The following PON1 variants were observed in gnomAD, a reference collection of about 807,000 sequenced individuals.
PON1 encodes the protein serum paraoxonase/arylesterase 1.
In PON1, 37 loss-of-function variants were observed where a neutral mutation model predicts 39.2. The observed-to-expected ratio is 0.94, with a 90% confidence interval of 0.73 to 1.24. The LOEUF (loss-of-function observed/expected upper bound fraction) is 1.24, where lower values mean the gene tolerates loss of function less well. Ranked by LOEUF, PON1 falls within the 50% of genes most tolerant of loss-of-function variation. PON1 has a pLI of 0.00. For synonymous variants in PON1, 148 were observed against 152.2 expected (o/e 0.97, Z 0.21); for missense variants, 397 against 413.5 (o/e 0.96, Z 0.35).
At chr7:95,321,869 C>T (rs1807906634) in intron 1 of PON1, among the ~76,000 whole-genome samples, 1 of 152,178 alleles carries the variant, frequency 6.6e-6, no homozygotes, top group Non-Finnish European at 1.5e-5. Flanking sequence ...TTCACATATA[C>T]ATCTGTCAAC....
At chr7:95,319,936 T>C (rs903632500) in intron 1 of PON1, among the ~76,000 whole-genome samples, 5 of 152,242 alleles carry the variant, frequency 3.3e-5, no homozygotes, top group African/African-American at 7.2e-5. Context: ...TCTGTTTTAT[T>C]TATTTTTAAA....
At chr7:95,323,953 T>C (rs972680908) in intron 1 of PON1, among the ~76,000 whole-genome samples, 6 of 152,164 alleles carry the variant, frequency 3.9e-5, no homozygotes, top group African/African-American at 9.7e-5. Context: ...TGGCCCTCAG[T>C]AGCCTCAATT....
chr7:95,306,923 A>C (rs3917545), intron 6 of PON1, among the ~76,000 whole-genome samples: 18,849 of 151,884 alleles, frequency 0.12, 1,210 homozygotes, highest in Non-Finnish European at 0.13. Context: ...CATCCCCCCA[A>C]CAAAAAAAAG....
rs1807608312 is a variant in PON1 at position 95,309,347 on chromosome 7, A to C, written c.498-1136T>G. ...AAAAAAGGTCTCGGAATTTAGGATT[A>C]GTCTGGATGGGCTCCAGACATAAAT... On this transcript the variant is annotated intron_variant, in intron 5 of 8. Coordinates refer to ENST00000222381, the MANE Select transcript of PON1 (RefSeq NM_000446.7). Among the ~76,000 whole-genome samples, 6 of 151,136 alleles carry C rather than the reference A, an allele frequency of 4.0e-5. No individual in the cohort carries two copies. In the South Asian group the frequency reaches 1.2e-3, roughly 31 times the overall value.
intron 3 of PON1, among the ~76,000 whole-genome samples, chr7:95,316,089 A>G (rs1035331973): frequency 1.3e-5 from 2 of 152,220 alleles, no homozygotes; most frequent in African/African-American, 4.8e-5. Context: ...AACTGGACTA[A>G]GTAAATTACA....
chr7:95,304,406 C>A (rs1276312825), intron 7 of PON1, among the ~76,000 whole-genome samples: 2 of 146,510 alleles, frequency 1.4e-5, no homozygotes, highest in Admixed American at 6.9e-5. Context: ...GATCTCAGCT[C>A]ACTGCAACCT....
Position 95,302,216 on chromosome 7 carries a change from G to A in PON1, c.898C>T (p.Pro300Ser). The A allele has an allele frequency of 1.9e-6, 3 of 1,612,080 alleles. No homozygotes were observed. In the South Asian group the frequency reaches 3.3e-5, roughly 18 times the overall value. Residue 300 changes from proline (P) to serine (S), a missense_variant, in exon 8 of 9, where the codon CCT (proline) becomes TCT (serine). By Grantham distance (74) the Pro-to-Ser change is moderately conservative. Transcript: ENST00000222381. ...TTTTTAAAACTTACCTCTGATGCAGGAGGATTCTCTGAGTCATAGAAGAAG... is the reference window on the plus strand; with the variant it reads ...TTTTTAAAACTTACCTCTGATGCAGAAGGATTCTCTGAGTCATAGAAGAAG... ...KIFFYDSENP[P>S]ASEVLRIQNI...
chr7:95,298,805 A>AAAC lies in PON1; in HGVS notation c.*136_*138dup, dbSNP rs1451960240. On this transcript the variant is annotated 3_prime_UTR_variant, in exon 9 of 9. Coordinates refer to ENST00000222381, the MANE Select transcript of PON1 (RefSeq NM_000446.7). Reference sequence around the variant, plus strand: ...CCTACACATCATATCACTCCCAGTTAAACAGTGCTTTGATGCTTCATGATG... The same window carrying AAAC: ...CCTACACATCATATCACTCCCAGTTAAACAACAGTGCTTTGATGCTTCATGATG... 2.4e-5 allele frequency: 25 copies of AAAC among 1,051,442 alleles called. No individual in the cohort carries two copies. Among genetic ancestry groups the AAAC allele is most frequent in the Non-Finnish European group, 3.6e-5 (25 of 688,024 alleles). 65.1% of individuals were successfully genotyped at this position (1,051,442 alleles called of 1,614,324 possible).
chr7:95,302,122 C>T, intron 8 of PON1, 83 bp downstream of exon 8: 1 of 381,820 alleles, frequency 2.6e-6, no homozygotes, highest in Non-Finnish European at 3.8e-6. Context: ...AAAAAAAAAA[C>T]CAAGAATTGA....
intron 2 of PON1, among the ~76,000 whole-genome samples, chr7:95,317,679 G>C (rs1807801706): frequency 6.6e-6 from 1 of 151,822 alleles, no homozygotes; most frequent in African/African-American, 2.4e-5. Flanking sequence ...GTTGGAACCA[G>C]CTGGAGAGTT....
intron 1 of PON1, among the ~76,000 whole-genome samples, chr7:95,323,172 C>A (rs745939755): frequency 6.6e-6 from 1 of 152,126 alleles, no homozygotes; most frequent in African/African-American, 2.4e-5. Context: ...GTCCCCAGAC[C>A]CAGTTGAGTA....
chr7:95,300,231 G>A (rs949465352), intron 8 of PON1, among the ~76,000 whole-genome samples: 1 of 152,182 alleles, frequency 6.6e-6, no homozygotes, highest in Non-Finnish European at 1.5e-5. Context: ...AGTATGAAAA[G>A]CACTACACTG....
chr7:95,303,032 G>A (rs1807467617), intron 7 of PON1, among the ~76,000 whole-genome samples: 1 of 152,122 alleles, frequency 6.6e-6, no homozygotes, highest in African/African-American at 2.4e-5. Flanking sequence ...GCCTTCTACT[G>A]GGGAGAAATC....
chr7:95,309,749 C>T (rs1268536005), intron 5 of PON1, among the ~76,000 whole-genome samples: 1 of 152,132 alleles, frequency 6.6e-6, no homozygotes, highest in Non-Finnish European at 1.5e-5. Context: ...AAGGCCTTCA[C>T]ACCATGCCTG....
intron 7 of PON1, among the ~76,000 whole-genome samples, chr7:95,302,906 A>T (rs1235114680): frequency 1.3e-5 from 2 of 152,066 alleles, no homozygotes; most frequent in Non-Finnish European, 2.9e-5. Flanking sequence ...TCTGCTGTTT[A>T]TTCTCTAAAT....
At chr7:95,305,103 G>A (rs1255930863) in intron 7 of PON1, among the ~76,000 whole-genome samples, 2 of 152,156 alleles carry the variant, frequency 1.3e-5, no homozygotes, top group Admixed American at 6.5e-5. Flanking sequence ...TGTCAAACAC[G>A]ATGTTACATT....
chr7:95,304,031 G>A lies in PON1; in HGVS notation c.781-1698C>T, dbSNP rs139175937. Among the ~76,000 whole-genome samples the A allele has an allele frequency of 8.7e-3, 1,329 of 152,172 alleles. 66 individuals carry two copies. The highest frequency in any genetic ancestry group is 0.079 in the Admixed American group (1,214 of 15,282). Reference sequence around the variant, plus strand: ...ACCATTTTTAAGTGTAAAACTCAGTGGCATTAAGTATATTCACAATGTTGT... The same window carrying A: ...ACCATTTTTAAGTGTAAAACTCAGTAGCATTAAGTATATTCACAATGTTGT... On this transcript the variant is annotated intron_variant, in intron 7 of 8. Coordinates refer to ENST00000222381, the MANE Select transcript of PON1 (RefSeq NM_000446.7).
At chr7:95,319,560 GA>G (rs1352624205) in intron 1 of PON1, among the ~76,000 whole-genome samples, 1 of 152,154 alleles carries the variant, frequency 6.6e-6, no homozygotes, top group East Asian at 1.9e-4. Context: ...ATACAGAGAT[GA>G]ATGAATAGAT....
At chr7:95,316,452 G>A (rs1476770943) in intron 3 of PON1, among the ~76,000 whole-genome samples, 1 of 152,170 alleles carries the variant, frequency 6.6e-6, no homozygotes, top group Non-Finnish European at 1.5e-5. Flanking sequence ...AGACAATTGA[G>A]AGGAAAACAA....
Sources: allele counts gnomAD v4.1 joint callset (sites outside exome capture counted in the v4.1 genomes callset), GRCh38; gene constraint gnomAD v4.1.1; transcripts MANE v1.5; gene names NCBI Gene and HGNC (gene_info 2026-07-23, HGNC 2026-07-21).